The following PCSK2 variants were observed in gnomAD, a reference collection of about 807,000 sequenced individuals.
PCSK2 encodes proprotein convertase subtilisin/kexin type 2.
PCSK2 carries 14 observed loss-of-function variants against 69.7 expected under a neutral mutation model. The observed-to-expected ratio is 0.20, with a 90% CI of 0.13 to 0.31. The LOEUF is 0.31. Ranked by LOEUF, PCSK2 falls within the 10% of genes least tolerant of loss-of-function variation. The probability of loss-of-function intolerance (pLI) is 1.00; values close to 1 mark genes in which losing one functional copy is unlikely to be tolerated. For missense variants in PCSK2, 544 were observed against 842.5 expected, an observed-to-expected ratio of 0.65 and a Z score of 4.39; for synonymous variants, 307 against 320.7, an observed-to-expected ratio of 0.96 and a Z score of 0.46.
intron 1 of PCSK2, among the ~76,000 whole-genome samples, chr20:17,230,590 TCTTTTTA>T (rs967704618): frequency 1.3e-5 from 2 of 152,220 alleles, no homozygotes; most frequent in African/African-American, 4.8e-5. Context: ...TTTTCCCTTT[TCTTTTTA>T]CTTTTATTAT....
upstream of PCSK2, among the ~76,000 whole-genome samples, chr20:17,226,769 C>T (rs544140565): frequency 4.8e-5 from 7 of 146,898 alleles, no homozygotes; most frequent in South Asian, 4.3e-4. Flanking sequence ...GGGAGCTCTC[C>T]GGTGCTGAAA....
intron 1 of PCSK2, among the ~76,000 whole-genome samples, chr20:17,242,396 C>A (rs1309271631): frequency 6.6e-6 from 1 of 152,118 alleles, no homozygotes; most frequent in Non-Finnish European, 1.5e-5. Flanking sequence ...GTGTGTTGAG[C>A]CCTATGAAGA....
chr20:17,433,388 A>G (rs2032407280), intron 7 of PCSK2, among the ~76,000 whole-genome samples: 1 of 152,234 alleles, frequency 6.6e-6, no homozygotes, highest in African/African-American at 2.4e-5. Flanking sequence ...ATGAGCATGA[A>G]TTTCCTCCTT....
intron 1 of PCSK2, among the ~76,000 whole-genome samples, chr20:17,249,972 A>G (rs6044699): frequency 0.5 from 76,146 of 151,964 alleles, 19,325 homozygotes; most frequent in East Asian, 0.67. Flanking sequence ...TCACTTAAAA[A>G]TCATTAAAAT....
chr20:17,480,018 C>G (rs2033366926), intron 11 of PCSK2, among the ~76,000 whole-genome samples: 1 of 151,778 alleles, frequency 6.6e-6, no homozygotes, highest in Non-Finnish European at 1.5e-5. Flanking sequence ...TTGAGCTTCT[C>G]CCACTCCAAG....
chr20:17,288,122 C>A, intron 2 of PCSK2, among the ~76,000 whole-genome samples: 1 of 152,224 alleles, frequency 6.6e-6, no homozygotes, highest in East Asian at 1.9e-4. Context: ...TCAAGCTGGA[C>A]TCCTTCACCA....
chr20:17,389,399 T>C (rs1298650353), intron 5 of PCSK2, among the ~76,000 whole-genome samples: 1 of 152,138 alleles, frequency 6.6e-6, no homozygotes, highest in Non-Finnish European at 1.5e-5. Flanking sequence ...ATATAGAGTA[T>C]ATGTCCACAC....
chr20:17,428,005 G>A (rs1261390082), intron 6 of PCSK2, among the ~76,000 whole-genome samples: 9 of 152,178 alleles, frequency 5.9e-5, no homozygotes, highest in Admixed American at 5.9e-4. Flanking sequence ...GTTGTGAGAA[G>A]GCTTGGTGTT....
chr20:17,361,526 C>T (rs1207760258), intron 4 of PCSK2, among the ~76,000 whole-genome samples: 1 of 152,220 alleles, frequency 6.6e-6, no homozygotes, highest in African/African-American at 2.4e-5. Flanking sequence ...AAAAGCTCTA[C>T]TGTGCATTAT....
chr20:17,340,500 G>C (rs1011879941), intron 2 of PCSK2, among the ~76,000 whole-genome samples: 2 of 152,108 alleles, frequency 1.3e-5, no homozygotes, highest in African/African-American at 4.8e-5. Flanking sequence ...TCCTCTTCTT[G>C]TCTCTATGAT....
chr20:17,273,826 T>C (rs1395638026), intron 2 of PCSK2, among the ~76,000 whole-genome samples: 7 of 152,164 alleles, frequency 4.6e-5, no homozygotes, highest in Non-Finnish European at 1.0e-4. Flanking sequence ...ATAGATTTGA[T>C]TAATATAATG....
chr20:17,426,121 C>T (rs2032242943), intron 6 of PCSK2, among the ~76,000 whole-genome samples: 1 of 152,140 alleles, frequency 6.6e-6, no homozygotes, highest in Non-Finnish European at 1.5e-5. Context: ...ATTGTAATTG[C>T]CATAATCCCC....
chr20:17,308,051 A>G lies in PCSK2; in HGVS notation c.282+47707A>G, dbSNP rs151075835. Among the ~76,000 whole-genome samples the G allele has an allele frequency of 3.1e-3, 454 of 148,540 alleles. 14 individuals are homozygous for G. Among genetic ancestry groups the G allele is most frequent in the Middle Eastern group, 0.011 (3 of 274 alleles). On this transcript the variant is annotated intron_variant, in intron 2 of 11. Transcript: ENST00000262545. ...GTGCTACACACTTTTAAACAACCAG[A>G]TCTCACAAGAACTCATTCACGGGGA...
At chr20:17,358,924 T>G (rs1445624905) in intron 3 of PCSK2, among the ~76,000 whole-genome samples, 1 of 152,152 alleles carries the variant, frequency 6.6e-6, no homozygotes, top group Non-Finnish European at 1.5e-5. Context: ...CCTAAAACAA[T>G]GGCAGGAAAT....
chr20:17,274,502 C>T (rs927239348), intron 2 of PCSK2, among the ~76,000 whole-genome samples: 4 of 152,276 alleles, frequency 2.6e-5, no homozygotes, highest in Middle Eastern at 3.4e-3. Context: ...TCTACTCCTT[C>T]CTCAGAGAAG....
chr20:17,468,192 C>A (rs1303652125), intron 11 of PCSK2, among the ~76,000 whole-genome samples: 1 of 151,742 alleles, frequency 6.6e-6, no homozygotes, highest in African/African-American at 2.4e-5. Context: ...GGGCCAGCAT[C>A]CTGCCGTAGA....
intron 5 of PCSK2, among the ~76,000 whole-genome samples, chr20:17,397,579 A>G (rs2031538964): frequency 6.6e-6 from 1 of 151,920 alleles, no homozygotes; most frequent in Admixed American, 6.6e-5. Flanking sequence ...TCCTAGGTTC[A>G]AGCAATTCTC....
intron 5 of PCSK2, among the ~76,000 whole-genome samples, chr20:17,400,906 C>A (rs117420126): frequency 2.4e-4 from 36 of 152,256 alleles, no homozygotes; most frequent in Non-Finnish European, 7.4e-5. Flanking sequence ...TTTAACTCAT[C>A]CCCAGTGTTG....
intron 5 of PCSK2, among the ~76,000 whole-genome samples, chr20:17,369,524 C>T (rs2030696811): frequency 6.6e-6 from 1 of 152,178 alleles, no homozygotes; most frequent in Non-Finnish European, 1.5e-5. Context: ...CTCATAGGCA[C>T]ACATGCATGC....
Sources: allele counts gnomAD v4.1 joint callset (sites outside exome capture counted in the v4.1 genomes callset), GRCh38; gene constraint gnomAD v4.1.1; transcripts MANE v1.5; gene names NCBI Gene and HGNC (gene_info 2026-07-23, HGNC 2026-07-21).